USP10: variants seen among roughly 807,000 people sequenced by gnomAD.
USP10 encodes the protein ubiquitin carboxyl-terminal hydrolase 10.
USP10 carries 22 observed loss-of-function variants against 84.5 expected under a neutral mutation model. The observed-to-expected ratio is 0.26, with a 90% CI of 0.19 to 0.37. The LOEUF (loss-of-function observed/expected upper bound fraction) is 0.37. USP10 is among the 10% of genes least tolerant of loss of function. The pLI, the probability that USP10 is intolerant of heterozygous loss-of-function variation, is 1.00. For synonymous variants in USP10, 454 were observed against 387.6 expected (o/e 1.17, Z -2.01); for missense variants, 1,019 against 998.9 (o/e 1.02, Z -0.27).
At chr16:84,760,764 C>G (rs1156718339) in intron 8 of USP10, among the ~76,000 whole-genome samples, 2 of 152,042 alleles carry the variant, frequency 1.3e-5, no homozygotes, top group African/African-American at 4.8e-5. Flanking sequence ...AGGCATGAGA[C>G]CAAGGGGCCA....
At chr16:84,775,521 C>T (rs568125135) in intron 13 of USP10, among the ~76,000 whole-genome samples, 2 of 152,180 alleles carry the variant, frequency 1.3e-5, no homozygotes, top group Admixed American at 1.3e-4. Flanking sequence ...AGAATGTGAC[C>T]TCTCCCGGCT....
At chr16:84,767,587 GT>G (rs1555548654) in intron 10 of USP10, among the ~76,000 whole-genome samples, 1 of 152,136 alleles carries the variant, frequency 6.6e-6, no homozygotes, top group Non-Finnish European at 1.5e-5. Context: ...AAGCAGCAGC[GT>G]TTTGAGGCCA....
At chr16:84,777,905 G>C (rs898758135) in intron 13 of USP10, among the ~76,000 whole-genome samples, 1 of 152,188 alleles carries the variant, frequency 6.6e-6, no homozygotes, top group African/African-American at 2.4e-5. Context: ...GAATGCTGCC[G>C]GACAGCCGCC....
chr16:84,711,534 G>T (rs537677878), intron 1 of USP10, among the ~76,000 whole-genome samples: 13 of 152,104 alleles, frequency 8.5e-5, no homozygotes, highest in African/African-American at 3.1e-4. Flanking sequence ...TCATGGATTC[G>T]TCAGGTGAGG....
Position 84,740,512 on chromosome 16 carries a change from A to G in USP10, c.151+143A>G, listed in dbSNP as rs1248846386. On this transcript the variant is annotated intron_variant, in intron 3 of 13. Coordinates refer to ENST00000219473, the MANE Select transcript of USP10 (RefSeq NM_005153.3). ...TTTGCTGTAAACTGTAATGTATTTA[A>G]TTGCTGAATCACTTTGACTAGTGAA... 9.0e-6 allele frequency: 6 copies of G among 665,518 alleles called. No individual in the cohort carries two copies. The African/African-American group carries it at 9.1e-5, about 10-fold the overall frequency. 41.2% of individuals were successfully genotyped at this position (665,518 alleles called of 1,614,324 possible).
At chr16:84,760,552 A>G (rs1402432015) in intron 8 of USP10, among the ~76,000 whole-genome samples, 1 of 152,240 alleles carries the variant, frequency 6.6e-6, no homozygotes, top group Non-Finnish European at 1.5e-5. Context: ...TAGCTAATGT[A>G]CATGGCAGAA....
chr16:84,750,578 C>G (rs1911812394), intron 4 of USP10, among the ~76,000 whole-genome samples: 1 of 152,100 alleles, frequency 6.6e-6, no homozygotes, highest in Non-Finnish European at 1.5e-5. Context: ...TGAAATTGAA[C>G]GTATGCTTTC....
At chr16:84,706,329 T>C (rs1252583592) in intron 1 of USP10, among the ~76,000 whole-genome samples, 29 of 152,078 alleles carry the variant, frequency 1.9e-4, no homozygotes. Context: ...TCTGATACAT[T>C]AAAACAATTT....
intron 10 of USP10, among the ~76,000 whole-genome samples, chr16:84,764,865 A>G (rs1205214634): frequency 1.3e-5 from 2 of 150,124 alleles, no homozygotes; most frequent in Non-Finnish European, 3.0e-5. Flanking sequence ...GGAGAATGTC[A>G]TCATGACTTA....
intron 1 of USP10, among the ~76,000 whole-genome samples, chr16:84,707,293 T>A (rs1189208975): frequency 6.6e-6 from 1 of 152,272 alleles, no homozygotes; most frequent in Non-Finnish European, 1.5e-5. Flanking sequence ...GAAACTTTAA[T>A]GTTACTAATT....
chr16:84,728,111 T>G (rs572114900), intron 1 of USP10, among the ~76,000 whole-genome samples: 4 of 152,330 alleles, frequency 2.6e-5, no homozygotes, highest in African/African-American at 9.6e-5. Context: ...ACACCTAAAA[T>G]AACATTTGAT....
At position 84,700,082 on chromosome 16, in the gene USP10, C is replaced by A; in HGVS notation, c.-9C>A. On this transcript the variant is annotated 5_prime_UTR_variant, in exon 1 of 14. Coordinates refer to ENST00000219473, the MANE Select transcript of USP10 (RefSeq NM_005153.3). Reference sequence around the variant, plus strand: ...GGAGGATCGCGGAGTCCCAATGAAACGGGCAGCCATGGCCCTCCACAGCCC... The same window carrying A: ...GGAGGATCGCGGAGTCCCAATGAAAAGGGCAGCCATGGCCCTCCACAGCCC... 1.5e-6 allele frequency: 2 copies of A among 1,372,538 alleles called. No individual in the cohort carries two copies. Among genetic ancestry groups the A allele is most frequent in the Non-Finnish European group, 1.9e-6 (2 of 1,042,884 alleles). The allele number at this position is 1,372,538 out of a possible 1,614,324, so 85.0% of individuals were successfully genotyped here.
intron 10 of USP10, among the ~76,000 whole-genome samples, chr16:84,764,931 G>GAA (rs543483741): frequency 1.0e-4 from 4 of 39,256 alleles, no homozygotes; most frequent in African/African-American, 2.6e-4. Flanking sequence ...GAGAGAGAGA[G>GAA]AAAAAAAAAT....
intron 1 of USP10, among the ~76,000 whole-genome samples, chr16:84,731,914 A>T (rs1164693101): frequency 6.6e-6 from 1 of 152,216 alleles, no homozygotes; most frequent in Non-Finnish European, 1.5e-5. Flanking sequence ...AGAAGGTGTA[A>T]CCTTCTATAT....
intron 10 of USP10, among the ~76,000 whole-genome samples, chr16:84,767,358 A>G (rs1913977208): frequency 6.6e-6 from 1 of 152,194 alleles, no homozygotes; most frequent in Non-Finnish European, 1.5e-5. Context: ...ATGAAATGAA[A>G]AACCAGCTAA....
chr16:84,738,563 T>C (rs1379995487), intron 2 of USP10, among the ~76,000 whole-genome samples: 1 of 152,188 alleles, frequency 6.6e-6, no homozygotes, highest in Non-Finnish European at 1.5e-5. Flanking sequence ...GTGTGTGGAA[T>C]GGTCTTTGCC....
chr16:84,728,430 C>A (rs758735804), intron 1 of USP10, among the ~76,000 whole-genome samples: 1 of 151,926 alleles, frequency 6.6e-6, no homozygotes, highest in South Asian at 2.1e-4. Flanking sequence ...ACCTCTGCCT[C>A]CCCGGTTCAA....
At chr16:84,735,196 G>GATATGTGTGT (rs1555541026) in intron 2 of USP10, among the ~76,000 whole-genome samples, 170 of 146,378 alleles carry the variant, frequency 1.2e-3, no homozygotes, top group African/African-American at 4.1e-3. Flanking sequence ...AGGCCCGGGT[G>GATATGTGTGT]GTGTGTGTGT....
Position 84,760,193 on chromosome 16 carries a change from G to C in USP10, c.1472G>C (p.Arg491Thr). The C allele has an allele frequency of 6.2e-7, 1 of 1,609,592 alleles. No individual in the cohort carries two copies. Residue 491 changes from arginine to threonine, a missense_variant, in exon 8 of 14, where the codon AGG becomes ACG. Around this residue, in one of 2 missense-constraint regions of USP10, gnomAD observed 787 missense variants for 708.8 expected, o/e 1.11. Transcript: ENST00000219473. Reference sequence around the variant, plus strand: ...GCAGCTCTTGGAGATAAAATCGTGAGGGATATTCGCCCTGGAGCTGCCTTT... The same window carrying C: ...GCAGCTCTTGGAGATAAAATCGTGACGGATATTCGCCCTGGAGCTGCCTTT... ...PRQALGDKIV[R>T]DIRPGAAFEP...
Sources: allele counts gnomAD v4.1 joint callset (sites outside exome capture counted in the v4.1 genomes callset), GRCh38; gene constraint gnomAD v4.1.1; regional missense constraint gnomAD v4.1.1; transcripts MANE v1.5; gene names NCBI Gene and HGNC (gene_info 2026-07-23, HGNC 2026-07-21).